Variants in LCNL1 observed in about 807,000 individuals in gnomAD.
The protein encoded by LCNL1 is lipocalin like 1, also known as lipocalin-like 1 protein.
A neutral mutation model predicts 7.9 loss-of-function variants in LCNL1; 11 were observed. The ratio of observed to expected loss-of-function variants is 1.40; its 90% CI spans 0.88 to 2.32. The LOEUF (loss-of-function observed/expected upper bound fraction) is 2.32. Ranked by LOEUF, LCNL1 falls within the 30% of genes most tolerant of loss-of-function variation. LCNL1 has a pLI of 0.00. For synonymous variants in LCNL1, 90 were observed against 92.5 expected (o/e 0.97, Z 0.15); for missense variants, 218 against 217.0 (o/e 1.00, Z -0.03).
At position 136,984,502 on chromosome 9, in the gene LCNL1, G is replaced by T; in HGVS notation, c.135G>T (p.Gly45=). ...LKFGYPTPHG[G]CQKMDTTFTE... is the part of the protein sequence containing the mutation. Reference sequence around the variant, plus strand: ...TCTTTCTCCCCAGGCCCCATGGCGGGTGCCAGAAAATGGACACGACCTTCA... The same window carrying T: ...TCTTTCTCCCCAGGCCCCATGGCGGTTGCCAGAAAATGGACACGACCTTCA... Residue 45 remains glycine, a synonymous_variant, in exon 2 of 3, where the codon GGG becomes GGT. Transcript: ENST00000408973. 1 of 1,569,222 alleles carries T rather than the reference G, an allele frequency of 6.4e-7. No individual in the cohort carries two copies. The highest frequency in any genetic ancestry group is 2.3e-5 in the East Asian group (1 of 43,088).
chr9:136,983,737 C>T, intron 1 of LCNL1, 29 bp downstream of exon 1: 1 of 1,608,240 alleles, frequency 6.2e-7, no homozygotes, highest in Non-Finnish European at 8.5e-7. Flanking sequence ...CCATCAGACT[C>T]AGCCTCAGAG....
rs1215661780 is a variant in LCNL1 at position 136,984,491 on chromosome 9, C to T, written c.124C>T (p.Pro42Ser). 2 of 1,566,782 alleles carry T rather than the reference C, an allele frequency of 1.3e-6. No individual in the cohort carries two copies. Among genetic ancestry groups the T allele is most frequent in the African/African-American group, 1.3e-5 (1 of 74,274 alleles). ...DLALKFGYPT[P>S]HGGCQKMDTT... ...GGGATTGGGGCTCTTTCTCCCCAGG[C>T]CCCATGGCGGGTGCCAGAAAATGGA... The change falls in exon 2 of 3, where the codon CCC becomes TCC. Residue 42 changes from proline (P) to serine (S), a missense_variant and splice_region_variant. By Grantham distance (74) the Pro-to-Ser change is moderately conservative. Transcript: ENST00000408973.
At chr9:136,984,345 C>T (rs949603581) in intron 1 of LCNL1, 145 bp from the exon 2 acceptor site, 1 of 739,982 alleles carries the variant, frequency 1.4e-6, no homozygotes. Context: ...GTGTCCCCAC[C>T]TCTAAGGTCA....
In LCNL1 at chr9:136,983,625, C is replaced by T. The variant is rs971799564; in HGVS notation, c.39C>T (p.Asp13=). 1 of 1,614,020 alleles carries T rather than the reference C, an allele frequency of 6.2e-7. No homozygotes were observed. The highest frequency in any genetic ancestry group is 1.7e-5 in the Admixed American group (1 of 60,032). Residue 13 remains aspartate (D), a synonymous_variant, in exon 1 of 3, where the codon GAC becomes GAT. Transcript: ENST00000408973. Reference sequence around the variant, plus strand: ...TGTCAGATGACCAGGACTTCCTGGACTCCAAGGACACCATGAAGATGGCTG... The same window carrying T: ...TGTCAGATGACCAGGACTTCCTGGATTCCAAGGACACCATGAAGATGGCTG... ...GVVSDDQDFL[D]SKDTMKMAVV...
Position 136,983,722 on chromosome 9 carries a change from C to T in LCNL1, c.122+14C>T, listed in dbSNP as rs757093371. 32 of 1,611,818 alleles carry T rather than the reference C, an allele frequency of 2.0e-5. No individual in the cohort carries two copies. In the East Asian group the frequency reaches 2.0e-4, roughly 10 times the overall value. On this transcript the variant is annotated intron_variant, in intron 1 of 2. Coordinates refer to ENST00000408973, the MANE Select transcript of LCNL1 (RefSeq NM_207510.4). ...TGGATACCCCACGTAAGTGACCACA[C>T]GAGCCCATCAGACTCAGCCTCAGAG...
rs767400262 is a variant in LCNL1, at chr9:136,983,631, G to A, written c.45G>A (p.Lys15=). Residue 15 remains lysine, a synonymous_variant, in exon 1 of 3, where the codon AAG becomes AAA. Coordinates refer to ENST00000408973, the MANE Select transcript of LCNL1 (RefSeq NM_207510.4). ...VSDDQDFLDS[K]DTMKMAVVLV... is the part of the protein sequence containing the mutation. The stretch of plus-strand genomic sequence containing the variant: ...ATGACCAGGACTTCCTGGACTCCAA[G>A]GACACCATGAAGATGGCTGTGGTCT... 21 of 1,614,054 alleles carry A rather than the reference G, an allele frequency of 1.3e-5. No homozygotes were observed. In the East Asian group the frequency reaches 2.9e-4, roughly 22 times the overall value.
rs763210324 is a variant in LCNL1 at position 136,983,163 on chromosome 9, C to T, written c.-424C>T. ...CTAGGGGCAGGGGAAACCCCCACCT[C>T]ACCCGCTCCGTCTGACTGGAGTAGG... On this transcript the variant is annotated 5_prime_UTR_variant, in exon 1 of 3. Transcript: ENST00000408973. The T allele has an allele frequency of 1.5e-4, 30 of 197,560 alleles. No homozygotes were observed. The highest frequency in any genetic ancestry group is 2.7e-4 in the Non-Finnish European group (25 of 92,362). 12.2% of individuals were successfully genotyped at this position (197,560 alleles called of 1,614,324 possible).
At chr9:136,984,022 G>A (rs927743643) in intron 1 of LCNL1, 19 of 435,638 alleles carry the variant, frequency 4.4e-5, no homozygotes, top group East Asian at 2.3e-4. Context: ...CTGTGTGTGC[G>A]TGTGTATGCA....
intron 1 of LCNL1, 66 bp from the exon 2 acceptor site, chr9:136,984,424 G>A (rs1830475066): frequency 2.1e-6 from 3 of 1,403,312 alleles, no homozygotes; most frequent in Non-Finnish European, 2.9e-6. Context: ...AGACAGCAAG[G>A]TAGGCTCTAG....
chr9:136,983,789 G>C, intron 1 of LCNL1, 81 bp downstream of exon 1: 1 of 1,577,776 alleles, frequency 6.3e-7, no homozygotes, highest in Non-Finnish European at 8.7e-7. Context: ...GAGGGACCAT[G>C]GTGTCCCCAG....
rs116126731 is a variant in LCNL1 at position 136,984,227 on chromosome 9, G to A, written c.123-263G>A. On this transcript the variant is annotated intron_variant, in intron 1 of 2. Coordinates refer to ENST00000408973, the MANE Select transcript of LCNL1 (RefSeq NM_207510.4). ...TCTCCGTGTGTGTGCATGTGTGTAT[G>A]TGTGTGTCTTCTGTGTGTCTGTGTC... 5.0e-3 allele frequency: 2,544 copies of A among 505,048 alleles called. 66 individuals are homozygous for A. The highest frequency in any genetic ancestry group is 0.045 in the African/African-American group (2,308 of 51,234). 31.3% of individuals were successfully genotyped at this position (505,048 alleles called of 1,614,324 possible).
chr9:136,984,646 C>T (rs931373531), intron 2 of LCNL1, 67 bp from the exon 3 acceptor site: 42 of 1,508,096 alleles, frequency 2.8e-5, no homozygotes, highest in Admixed American at 4.3e-5. Flanking sequence ...GGGGCCGGGG[C>T]GTGAGGGGTG....
In LCNL1 at chr9:136,984,859, C is replaced by A; in HGVS notation, c.343C>A (p.Arg115Ser). ...RAAGRRPRHPRFGSGMSPLCL... is the reference protein window; with the variant it reads ...RAAGRRPRHPSFGSGMSPLCL... Reference sequence around the variant, plus strand: ...TGCGGGGCGGAGACCCAGACACCCCCGCTTCGGGTCTGGGATGTCACCCCT... The same window carrying A: ...TGCGGGGCGGAGACCCAGACACCCCAGCTTCGGGTCTGGGATGTCACCCCT... The change falls in exon 3 of 3, where the codon CGC (arginine) becomes AGC (serine). Residue 115 changes from arginine to serine, a missense_variant. Transcript: ENST00000408973. 2 of 1,561,910 alleles carry A rather than the reference C, an allele frequency of 1.3e-6. No homozygotes were observed. Among genetic ancestry groups the A allele is most frequent in the Non-Finnish European group, 1.7e-6 (2 of 1,152,904 alleles).
chr9:136,984,782 T>A lies in LCNL1; in HGVS notation c.266T>A (p.Met89Lys). 1 of 1,573,628 alleles carries A rather than the reference T, an allele frequency of 6.4e-7. No individual in the cohort carries two copies. The highest frequency in any genetic ancestry group is 1.7e-4 in the Middle Eastern group (1 of 5,912). The change falls in exon 3 of 3, where the codon ATG becomes AAG. Residue 89 changes from methionine to lysine, a missense_variant. Met to Lys is a moderately conservative substitution (Grantham distance 95). Coordinates refer to ENST00000408973, the MANE Select transcript of LCNL1 (RefSeq NM_207510.4). ...CACTTTGCCTTGCTGTACTTGGAGA[T>A]GCGGAAAGGGGGCCTGCGGAACCAG... The part of the protein sequence containing the change: ...YQHFALLYLE[M>K]RKGGLRNQWL...
Position 136,984,775 on chromosome 9 carries a change from T to C in LCNL1, c.259T>C (p.Leu87=), listed in dbSNP as rs780081040. 12 of 1,573,498 alleles carry C rather than the reference T, an allele frequency of 7.6e-6. No homozygotes were observed. Among genetic ancestry groups the C allele is most frequent in the Middle Eastern group, 3.4e-4 (2 of 5,920 alleles). ...CTACCAGCACTTTGCCTTGCTGTAC[T>C]TGGAGATGCGGAAAGGGGGCCTGCG... ...SDYQHFALLY[L]EMRKGGLRNQ... The change falls in exon 3 of 3, where the codon TTG becomes CTG. Residue 87 remains leucine, a synonymous_variant. Coordinates refer to ENST00000408973, the MANE Select transcript of LCNL1 (RefSeq NM_207510.4).
rs1830487038 is a variant in LCNL1, at chr9:136,985,143, C to T, written c.*132C>T. 7 of 945,144 alleles carry T rather than the reference C, an allele frequency of 7.4e-6. No homozygotes were observed. The highest frequency in any genetic ancestry group is 1.7e-5 in the African/African-American group (1 of 59,144). 58.5% of individuals were successfully genotyped at this position (945,144 alleles called of 1,614,324 possible). ...CGTCCTGCTGCCGAAGTCGGGTGAG[C>T]GGTGCCGGCAGCCCTGCTGGGAGGG... is the stretch of plus-strand genomic sequence containing the variant. On this transcript the variant is annotated 3_prime_UTR_variant, in exon 3 of 3. Coordinates refer to ENST00000408973, the MANE Select transcript of LCNL1 (RefSeq NM_207510.4).
rs372556522 is a variant in LCNL1, at chr9:136,984,721, C to A, written c.205C>A (p.Leu69Met). The A allele has an allele frequency of 1.3e-6, 2 of 1,530,826 alleles. No homozygotes were observed. Among genetic ancestry groups the A allele is most frequent in the Non-Finnish European group, 8.8e-7 (1 of 1,134,610 alleles). 94.8% of individuals were successfully genotyped at this position (1,530,826 alleles called of 1,614,324 possible). The part of the protein sequence containing the change: ...PGQFSNPAMA[L>M]SDIRVAFSDY... ...GGCTCTCGCTCCTCCAGCCATGGCC[C>A]TGAGTGACATCCGAGTGGCCTTCTC... The change falls in exon 3 of 3, where the codon CTG becomes ATG. Residue 69 changes from leucine (L) to methionine (M), a missense_variant. Leu to Met is a conservative substitution (Grantham distance 15). Transcript: ENST00000408973.
rs765215665 is a variant in LCNL1, at chr9:136,983,655, C to G, written c.69C>G (p.Val23=). The G allele has an allele frequency of 1.2e-6, 2 of 1,614,066 alleles. No homozygotes were observed. Residue 23 remains valine (V), a synonymous_variant, in exon 1 of 3, where the codon GTC becomes GTG. Coordinates refer to ENST00000408973, the MANE Select transcript of LCNL1 (RefSeq NM_207510.4). The part of the protein sequence containing the change: ...DSKDTMKMAV[V]LVTPLGNGDL... ...AGGACACCATGAAGATGGCTGTGGT[C>G]TTAGTGACCCCCTTGGGGAATGGTG...
rs769734368 is a variant in LCNL1, at chr9:136,984,903, TCTGCACGCGGAAGGTGGAACCG to T, written c.391_412del (p.His131AlafsTer71). On this transcript the variant is annotated frameshift_variant, in exon 3 of 3. Coordinates refer to ENST00000408973, the MANE Select transcript of LCNL1 (RefSeq NM_207510.4). LOFTEE classifies it low-confidence loss of function (END_TRUNC). ...CACCCCTGTGCCTGCACCAGCCCTT[TCTGCACGCGGAAGGTGGAACCG>T]CTGGCTCCTGGTGTCTGTGGCCGCG... 1.8e-4 allele frequency: 274 copies of T among 1,557,016 alleles called. No homozygotes were observed. The African/African-American group carries it at 3.2e-3, about 18-fold the overall frequency.
Sources: gnomAD v4.1 joint callset for allele counts on GRCh38, gnomAD v4.1.1 for gene constraint, MANE v1.5 for transcripts, NCBI Gene and HGNC (gene_info 2026-07-23, HGNC 2026-07-21) for gene names.